Variants in ANPEP observed in about 807,000 individuals in gnomAD.
ANPEP encodes aminopeptidase N.
In ANPEP, 70 loss-of-function variants were observed where a neutral mutation model predicts 114.6. That is an observed-to-expected ratio of 0.61 (90% confidence interval 0.50 to 0.75). ANPEP has a LOEUF of 0.75. ANPEP is among the 30% of genes least tolerant of loss of function. The pLI, the probability that ANPEP is intolerant of heterozygous loss-of-function variation, is 0.00. For missense variants in ANPEP, 1,184 were observed against 1,259.5 expected, an observed-to-expected ratio of 0.94 and a Z score of 0.91; for synonymous variants, 548 against 522.3, an observed-to-expected ratio of 1.05 and a Z score of -0.67.
At chr15:89,787,119 C>T (rs1183288284) in intron 20 of ANPEP, among the ~76,000 whole-genome samples, 1 of 142,588 alleles carries the variant, frequency 7.0e-6, no homozygotes, top group African/African-American at 2.6e-5. Flanking sequence ...GATCTCAGCT[C>T]ACTGCAAACT....
In ANPEP at chr15:89,806,419, G is replaced by T; in HGVS notation, c.165C>A (p.Ala55=). Residue 55 remains alanine (A), a synonymous_variant, in exon 2 of 21, where the codon GCC becomes GCA. Coordinates refer to ENST00000300060, the MANE Select transcript of ANPEP (RefSeq NM_001150.3). The surrounding 1 kb of genome is among the most constrained non-coding windows in gnomAD (Gnocchi z 5.7). ...TGGTGGCCGAGGCGGGGTTGGTGGT[G>T]GCTGAGGCGGACGGGGTGGTGGAGG... ...PVASTTPSAS[A]TTNPASATTL... 1 of 1,614,112 alleles carries T rather than the reference G, an allele frequency of 6.2e-7. No homozygotes were observed. The highest frequency in any genetic ancestry group is 8.5e-7 in the Non-Finnish European group (1 of 1,179,998).
At chr15:89,807,466 C>T (rs1053013018) in intron 1 of ANPEP, among the ~76,000 whole-genome samples, 28 of 152,174 alleles carry the variant, frequency 1.8e-4, no homozygotes, top group East Asian at 5.8e-4. Context: ...TTTGGAAGGC[C>T]GAGGTGGGTG....
intron 15 of ANPEP, among the ~76,000 whole-genome samples, chr15:89,796,612 C>T (rs574294036): frequency 6.6e-6 from 1 of 151,994 alleles, no homozygotes; most frequent in South Asian, 2.1e-4. Flanking sequence ...CTCAGCCTCC[C>T]GAGTAGCTGG....
At chr15:89,786,011 T>G (rs1968500761) in intron 20 of ANPEP, among the ~76,000 whole-genome samples, 1 of 152,176 alleles carries the variant, frequency 6.6e-6, no homozygotes, top group South Asian at 2.1e-4. Flanking sequence ...TACATAAAAA[T>G]TTTAAGGAAT....
At chr15:89,797,302 C>T (rs1968746285) in intron 15 of ANPEP, 1 of 362,264 alleles carries the variant, frequency 2.8e-6, no homozygotes, top group Admixed American at 4.7e-5. Context: ...CTGAAGTCTC[C>T]GCGACCTTTA....
At chr15:89,814,217 C>T (rs769400848) in intron 1 of ANPEP, among the ~76,000 whole-genome samples, 5 of 152,160 alleles carry the variant, frequency 3.3e-5, no homozygotes, top group African/African-American at 4.8e-5. Flanking sequence ...GCGACTGTAA[C>T]GCGGGCGTTG....
Position 89,800,556 on chromosome 15 carries a change from C to CTTTTTTT in ANPEP, c.1819+548_1819+554dup, listed in dbSNP as rs759889538. ...TTAAGCATTTTATGTGGATTCTCTC[C>CTTTTTTT]TTTTTTTTTTTTTTTTTTTTTTGAG... On this transcript the variant is annotated intron_variant, in intron 12 of 20. Transcript: ENST00000300060. Among the ~76,000 whole-genome samples the CTTTTTTT allele has an allele frequency of 7.1e-4, 88 of 124,360 alleles. 1 individual carries two copies. Among genetic ancestry groups the CTTTTTTT allele is most frequent in the African/African-American group, 2.6e-3 (80 of 31,262 alleles). 81.6% of individuals were successfully genotyped at this position (124,360 alleles called of 152,430 possible).
rs903876658 is a variant in ANPEP, at chr15:89,803,057, A to G, written c.1569+182T>C. 3.9e-5 allele frequency among the ~76,000 whole-genome samples: 6 copies of G among 151,998 alleles called. No homozygotes were observed. Among genetic ancestry groups the G allele is most frequent in the Admixed American group, 1.3e-4 (2 of 15,274 alleles). ...ACCTCAACCACAGCCTCACTCAGAC[A>G]CCTCTTGCAAGGAGCCATCCCGGCT... On this transcript the variant is annotated intron_variant, in intron 10 of 20. Coordinates refer to ENST00000300060, the MANE Select transcript of ANPEP (RefSeq NM_001150.3). The surrounding 1 kb of genome is among the most constrained non-coding windows in gnomAD (Gnocchi z 4.2).
intron 1 of ANPEP, among the ~76,000 whole-genome samples, chr15:89,808,793 A>T (rs758129855): frequency 1.3e-5 from 2 of 152,186 alleles, no homozygotes; most frequent in Non-Finnish European, 2.9e-5. Context: ...CTGAGCTTGC[A>T]GGAAGGCTTC....
rs1263692960 is a variant in ANPEP, at chr15:89,794,910, AAG to A, written c.2158-1786_2158-1785del. On this transcript the variant is annotated intron_variant, in intron 15 of 20. Transcript: ENST00000300060. The stretch of plus-strand genomic sequence containing the variant: ...GACTAATTTTTGAGGGTCCCCAGTG[AAG>A]AGTTACTTGGCCACCCAGTCACCTC... Among the ~76,000 whole-genome samples, 4 of 152,194 alleles carry A rather than the reference AAG, an allele frequency of 2.6e-5. No homozygotes were observed. The East Asian group carries it at 7.7e-4, about 29-fold the overall frequency.
intron 2 of ANPEP, among the ~76,000 whole-genome samples, 168 bp downstream of exon 2, chr15:89,805,802 C>T (rs1033631941): frequency 1.3e-5 from 2 of 152,100 alleles, no homozygotes; most frequent in Non-Finnish European, 2.9e-5. Flanking sequence ...CCTCCCAGTT[C>T]GGTGCATTTG....
intron 20 of ANPEP, 114 bp from the exon 21 acceptor site, chr15:89,785,615 C>CACACCCTGTTCCAGGGATAGGCAGGACGT: frequency 7.0e-7 from 1 of 1,429,180 alleles, no homozygotes; most frequent in Non-Finnish European, 9.5e-7. Flanking sequence ...TGGATGGGAC[C>CACACCCTGTTCCAGGGATAGGCAGGACGT]ACACCCTGTT....
chr15:89,812,005 G>A (rs117727144), intron 1 of ANPEP, among the ~76,000 whole-genome samples: 1,882 of 152,334 alleles, frequency 0.012, 18 homozygotes, highest in Non-Finnish European at 0.019. Context: ...GGTTGACAAC[G>A]ATCATGCCAG....
intron 20 of ANPEP, 40 bp downstream of exon 20, chr15:89,790,420 G>C (rs1968597882): frequency 1.3e-6 from 2 of 1,584,402 alleles, no homozygotes; most frequent in Admixed American, 1.7e-5. Flanking sequence ...GGCCTGGGAA[G>C]GAAGTAGGCA....
intron 18 of ANPEP, among the ~76,000 whole-genome samples, chr15:89,791,955 A>T (rs1968635528): frequency 2.0e-5 from 3 of 152,210 alleles, no homozygotes; most frequent in Non-Finnish European, 4.4e-5. Flanking sequence ...CTAGGAACAG[A>T]GGACATGGAC....
chr15:89,785,151 G>T lies in ANPEP; in HGVS notation c.*198C>A. Reference sequence around the variant, plus strand: ...GGCGGGGTTGGCATGAGGGGCAGGGGCTGGGAGGTGCTCAGGCAGCCTGGG... The same window carrying T: ...GGCGGGGTTGGCATGAGGGGCAGGGTCTGGGAGGTGCTCAGGCAGCCTGGG... On this transcript the variant is annotated 3_prime_UTR_variant, in exon 21 of 21. Transcript: ENST00000300060. 1.5e-6 allele frequency: 1 copy of T among 664,642 alleles called. No homozygotes were observed. Among genetic ancestry groups the T allele is most frequent in the South Asian group, 2.0e-5 (1 of 50,992 alleles). The allele number at this position is 664,642 out of a possible 1,614,324, so 41.2% of individuals were successfully genotyped here.
chr15:89,813,309 A>G (rs1894847900), intron 1 of ANPEP, among the ~76,000 whole-genome samples: 1 of 152,202 alleles, frequency 6.6e-6, no homozygotes, highest in African/African-American at 2.4e-5. Flanking sequence ...TGCCTAGCAT[A>G]CAATTCTTAC....
intron 1 of ANPEP, among the ~76,000 whole-genome samples, chr15:89,814,223 C>T (rs1205034975): frequency 6.6e-6 from 1 of 152,062 alleles, no homozygotes; most frequent in South Asian, 2.1e-4. Context: ...GTAACGCGGG[C>T]GTTGAGCACC....
Position 89,802,241 on chromosome 15 carries a change from G to A in ANPEP, c.1570-634C>T, listed in dbSNP as rs547804419. Among the ~76,000 whole-genome samples, 9 of 152,262 alleles carry A rather than the reference G, an allele frequency of 5.9e-5. No homozygotes were observed. In the South Asian group the frequency reaches 1.9e-3, roughly 32 times the overall value. ...GGGGGCTGCCGGCCGAGGGTCTCAGGAAAGAGGAGTGAGAGGGAGGAGAGC... is the reference window on the plus strand; with the variant it reads ...GGGGGCTGCCGGCCGAGGGTCTCAGAAAAGAGGAGTGAGAGGGAGGAGAGC... On this transcript the variant is annotated intron_variant, in intron 10 of 20. Transcript: ENST00000300060.
Sources: gnomAD v4.1 joint callset for allele counts (sites outside exome capture counted in the v4.1 genomes callset) on GRCh38, gnomAD v4.1.1 for gene constraint, Gnocchi (gnomAD v3.1) non-coding constraint, MANE v1.5 for transcripts, NCBI Gene and HGNC (gene_info 2026-07-23, HGNC 2026-07-21) for gene names.